The following CELF2 variants were observed in gnomAD, a reference collection of about 807,000 sequenced individuals.
CELF2 encodes CUGBP Elav-like family member 2, also known as CUG triplet repeat RNA-binding protein 2.
In CELF2, 8 loss-of-function variants were observed where a neutral mutation model predicts 62.6. The observed-to-expected ratio is 0.13, with a 90% CI of 0.07 to 0.23. CELF2 has a LOEUF of 0.23. Among genes scored for constraint, CELF2 ranks in the 10% least tolerant of loss-of-function variants. The probability of loss-of-function intolerance (pLI) is 1.00; values close to 1 mark genes in which losing one functional copy is unlikely to be tolerated. For synonymous variants in CELF2, 258 were observed against 250.0 expected (o/e 1.03, Z -0.30); for missense variants, 333 against 671.0 (o/e 0.50, Z 5.56).
chr10:10,529,503 G>A, the CELF2 span, among the ~76,000 whole-genome samples: 1 of 152,006 alleles, frequency 6.6e-6, no homozygotes, highest in African/African-American at 2.4e-5. Context: ...TGGCCAACAT[G>A]GGGAACCCCA....
the CELF2 span, among the ~76,000 whole-genome samples, chr10:10,694,763 G>T: frequency 6.6e-6 from 1 of 151,826 alleles, no homozygotes; most frequent in South Asian, 2.1e-4. Flanking sequence ...TTACCATTAT[G>T]TAGTGGCCTT....
chr10:11,303,721 A>G (rs1260818164), intron 9 of CELF2, among the ~76,000 whole-genome samples: 2 of 152,186 alleles, frequency 1.3e-5, no homozygotes, highest in Non-Finnish European at 2.9e-5. Context: ...AGTGAGTGCA[A>G]GTTTACTGCT....
At chr10:11,167,044 A>T (rs1366608745) in intron 2 of CELF2, among the ~76,000 whole-genome samples, 1 of 152,252 alleles carries the variant, frequency 6.6e-6, no homozygotes, top group East Asian at 1.9e-4. Context: ...AGCACATAGA[A>T]TGTTGTCACC....
At chr10:10,532,638 A>G in the CELF2 span, among the ~76,000 whole-genome samples, 1 of 152,238 alleles carries the variant, frequency 6.6e-6, no homozygotes. Flanking sequence ...ATATCTAAAT[A>G]GGATACAGCC....
chr10:10,893,157 A>G (rs974652548), intron 1 of CELF2, among the ~76,000 whole-genome samples: 6 of 152,228 alleles, frequency 3.9e-5, no homozygotes, highest in Admixed American at 2.6e-4. Flanking sequence ...CCAAATCCCA[A>G]TGAGGGCAGT....
chr10:11,051,092 T>C (rs1361893866), intron 1 of CELF2, among the ~76,000 whole-genome samples: 1 of 152,184 alleles, frequency 6.6e-6, no homozygotes, highest in African/African-American at 2.4e-5. Context: ...CTTGAAAGCA[T>C]GGGGACACTT....
chr10:11,162,008 G>A (rs11257000), intron 1 of CELF2, among the ~76,000 whole-genome samples: 1 of 152,192 alleles, frequency 6.6e-6, no homozygotes, highest in Non-Finnish European at 1.5e-5. Context: ...CAGGGAGAGA[G>A]TTGGGAGTCC....
At chr10:10,922,715 T>C (rs1254409817) in intron 2 of CELF2, 1 of 152,228 alleles carries the variant, frequency 6.6e-6, no homozygotes, top group Non-Finnish European at 1.5e-5. Context: ...GTTATTCTCA[T>C]GTCGAATCAT....
the CELF2 span, among the ~76,000 whole-genome samples, chr10:10,566,833 G>A: frequency 2.0e-5 from 3 of 152,038 alleles, no homozygotes; most frequent in South Asian, 6.2e-4. Context: ...GCTAGAGATT[G>A]TTTTGGCTTC....
the CELF2 span, among the ~76,000 whole-genome samples, chr10:10,587,035 G>C: frequency 8.5e-5 from 13 of 152,178 alleles, no homozygotes; most frequent in African/African-American, 2.7e-4. Context: ...AACATGAGCA[G>C]AACCAGAGGT....
chr10:10,918,537 C>G (rs1480549902), intron 1 of CELF2, among the ~76,000 whole-genome samples: 2 of 152,214 alleles, frequency 1.3e-5, no homozygotes, highest in Non-Finnish European at 2.9e-5. Context: ...CTCCAAAGTG[C>G]TCAGGTATTA....
At chr10:11,171,192 G>T (rs765860900) in intron 2 of CELF2, 1 of 152,220 alleles carries the variant, frequency 6.6e-6, no homozygotes, top group Non-Finnish European at 1.5e-5. Flanking sequence ...CATCGCAACA[G>T]TACTGCAAGC....
chr10:11,097,821 C>G (rs936730954), intron 1 of CELF2, among the ~76,000 whole-genome samples: 15 of 152,200 alleles, frequency 9.9e-5, no homozygotes, highest in Non-Finnish European at 1.8e-4. Flanking sequence ...GGTCAACCAA[C>G]CTTTGTCACC....
intron 2 of CELF2, among the ~76,000 whole-genome samples, chr10:10,989,856 A>G (rs910870574): frequency 6.6e-6 from 1 of 152,168 alleles, no homozygotes; most frequent in African/African-American, 2.4e-5. Context: ...GACAAAGGAC[A>G]ATAAACATTG....
chr10:10,630,880 C>T, the CELF2 span, among the ~76,000 whole-genome samples: 3 of 152,252 alleles, frequency 2.0e-5, no homozygotes, highest in East Asian at 5.8e-4. Context: ...TCCCAATCTC[C>T]CCTTGACTCT....
intron 2 of CELF2, among the ~76,000 whole-genome samples, chr10:10,962,716 C>T (rs142509842): frequency 8.5e-5 from 13 of 152,228 alleles, no homozygotes; most frequent in East Asian, 5.8e-4. Context: ...TAGAGCAAGA[C>T]ACTGTCTCTA....
intron 1 of CELF2, among the ~76,000 whole-genome samples, chr10:10,879,181 A>G (rs1055248901): frequency 1.3e-5 from 2 of 152,218 alleles, no homozygotes; most frequent in African/African-American, 4.8e-5. Flanking sequence ...GAAAGTAAAC[A>G]CTGTGTCACT....
At chr10:11,111,853 A>T (rs1564789173) in intron 1 of CELF2, among the ~76,000 whole-genome samples, 1 of 152,230 alleles carries the variant, frequency 6.6e-6, no homozygotes, top group Admixed American at 6.5e-5. Context: ...TTTCTCATAT[A>T]AGCAATGGAA....
At chr10:10,606,547 T>C in the CELF2 span, among the ~76,000 whole-genome samples, 5 of 152,188 alleles carry the variant, frequency 3.3e-5, no homozygotes, top group Non-Finnish European at 7.3e-5. Flanking sequence ...GCACATATTT[T>C]CACAAGTTAC....
Sources: allele counts gnomAD v4.1 joint callset (sites outside exome capture counted in the v4.1 genomes callset), GRCh38; gene constraint gnomAD v4.1.1; transcripts MANE v1.5; gene names NCBI Gene and HGNC (gene_info 2026-07-23, HGNC 2026-07-21).